AMZ1: variants seen among roughly 807,000 people sequenced by gnomAD.
AMZ1 encodes archaelysin family metallopeptidase 1.
AMZ1 carries 39 observed loss-of-function variants against 29.9 expected under a neutral mutation model. The observed-to-expected ratio is 1.30, with a 90% confidence interval of 1.01 to 1.70. The LOEUF is 1.70. AMZ1 is among the 40% of genes most tolerant of loss of function. The probability of loss-of-function intolerance (pLI) is 0.00; values close to 1 mark genes in which losing one functional copy is unlikely to be tolerated. For synonymous variants in AMZ1, 458 were observed against 304.0 expected, an observed-to-expected ratio of 1.51 and a Z score of -5.27; for missense variants, 1,041 against 680.6, an observed-to-expected ratio of 1.53 and a Z score of -5.89.
chr7:2,730,704 T>A (rs1789844806), intron 4 of AMZ1: 2 of 155,612 alleles, frequency 1.3e-5, no homozygotes, highest in Admixed American at 1.3e-4. Context: ...GTGCACTGGA[T>A]CTCTACAAGC....
intron 2 of AMZ1, among the ~76,000 whole-genome samples, chr7:2,701,460 A>G (rs1200810391): frequency 6.6e-6 from 1 of 152,090 alleles, no homozygotes; most frequent in Non-Finnish European, 1.5e-5. Context: ...GAGGGCCCAG[A>G]GTGGTCACTG....
At chr7:2,680,761 G>A (rs779731414) in intron 1 of AMZ1, among the ~76,000 whole-genome samples, 4 of 152,260 alleles carry the variant, frequency 2.6e-5, no homozygotes, top group African/African-American at 4.8e-5. Flanking sequence ...CCTGCCCAGC[G>A]CAGCCCATGC....
chr7:2,691,685 T>G (rs1787393902), intron 1 of AMZ1, among the ~76,000 whole-genome samples: 1 of 132,976 alleles, frequency 7.5e-6, no homozygotes, highest in African/African-American at 3.2e-5. Context: ...GAGCCGAGAT[T>G]GCGCCACTGC....
At chr7:2,694,267 C>T (rs972342866) in intron 1 of AMZ1, among the ~76,000 whole-genome samples, 4 of 152,292 alleles carry the variant, frequency 2.6e-5, no homozygotes, top group South Asian at 2.1e-4. Flanking sequence ...CCTGCCTCGC[C>T]GCTGGAGCTG....
intron 1 of AMZ1, among the ~76,000 whole-genome samples, chr7:2,691,945 C>G (rs1235635438): frequency 6.6e-6 from 1 of 152,060 alleles, no homozygotes; most frequent in Non-Finnish European, 1.5e-5. Flanking sequence ...GTGGACAGAA[C>G]AAATAATTCT....
chr7:2,708,606 TGAA>T lies in AMZ1; in HGVS notation c.495_497del (p.Lys165del), dbSNP rs768223493. The T allele has an allele frequency of 1.7e-4, 268 of 1,612,888 alleles. 4 individuals carry two copies. The South Asian group carries it at 2.6e-3, about 15-fold the overall frequency. On this transcript the variant is annotated inframe_deletion, in exon 4 of 7. Transcript: ENST00000683327. ...CCCGCAGACGGCATCCTGTCCTTCTTGAAGAACAACAAGCCAGGGGACGCGCTG... is the reference window on the plus strand; with the variant it reads ...CCCGCAGACGGCATCCTGTCCTTCTTGAACAACAAGCCAGGGGACGCGCTG...
At chr7:2,694,873 A>G (rs1787613071) in intron 1 of AMZ1, among the ~76,000 whole-genome samples, 1 of 152,000 alleles carries the variant, frequency 6.6e-6, no homozygotes, top group Non-Finnish European at 1.5e-5. Context: ...GGGTTTCACC[A>G]TGTTGGCCAG....
intron 4 of AMZ1, among the ~76,000 whole-genome samples, chr7:2,757,129 CTTTT>C (rs71026549): frequency 1.1e-3 from 102 of 93,960 alleles, no homozygotes; most frequent in Middle Eastern, 7.6e-3. Context: ...TCAGGTGGGC[CTTTT>C]TTTTTTTTTT....
At chr7:2,739,086 G>A (rs757519472) in intron 4 of AMZ1, among the ~76,000 whole-genome samples, 3 of 152,192 alleles carry the variant, frequency 2.0e-5, no homozygotes, top group Non-Finnish European at 2.9e-5. Flanking sequence ...TCCTCGGCGT[G>A]TGCAGGGTTG....
At chr7:2,761,147 G>A (rs549202875), upstream of AMZ1, among the ~76,000 whole-genome samples, 77 of 152,280 alleles carry the variant, frequency 5.1e-4, no homozygotes, top group African/African-American at 1.8e-3. Flanking sequence ...ATGCGGATGG[G>A]AGACAACCAC....
Position 2,702,728 on chromosome 7 carries a change from G to T in AMZ1, c.311G>T (p.Ser104Ile). The T allele has an allele frequency of 2.6e-6, 4 of 1,534,242 alleles. No individual in the cohort carries two copies. Among genetic ancestry groups the T allele is most frequent in the Non-Finnish European group, 3.5e-6 (4 of 1,142,768 alleles). ...GGTGCTGCTCTCCCACCAGACCTGA[G>T]CGAGGAGCCGGTGGGAAGCTCCCTG... ...KHIYLQPIDLSEEPVGSSLLH... is the reference protein window; with the variant it reads ...KHIYLQPIDLIEEPVGSSLLH... The change falls in exon 3 of 7, where the codon AGC becomes ATC. Residue 104 changes from serine to isoleucine, a missense_variant. Physicochemically the swap from Ser to Ile is moderately radical, Grantham distance 142 (BLOSUM62 -2). Coordinates refer to ENST00000683327, the MANE Select transcript of AMZ1 (RefSeq NM_001384743.1).
At chr7:2,735,973 G>A (rs11764225) in intron 4 of AMZ1, among the ~76,000 whole-genome samples, 17,511 of 152,190 alleles carry the variant, frequency 0.12, 1,103 homozygotes, top group Middle Eastern at 0.18. Context: ...CTGTCCCTGA[G>A]GTTTGGTGCA....
intron 4 of AMZ1, among the ~76,000 whole-genome samples, chr7:2,749,599 C>A (rs888980918): frequency 7.9e-5 from 12 of 151,840 alleles, no homozygotes; most frequent in Non-Finnish European, 1.2e-4. Flanking sequence ...CAACATGGCA[C>A]ATGTATACAT....
chr7:2,732,221 C>T (rs1789932817), intron 4 of AMZ1, among the ~76,000 whole-genome samples: 1 of 152,166 alleles, frequency 6.6e-6, no homozygotes, highest in Non-Finnish European at 1.5e-5. Flanking sequence ...GACACACAGG[C>T]AAGCATACTC....
At chr7:2,689,801 T>TG (rs1329272939) in intron 1 of AMZ1, among the ~76,000 whole-genome samples, 1 of 152,202 alleles carries the variant, frequency 6.6e-6, no homozygotes. Flanking sequence ...AACCTCCATC[T>TG]GGGGGTCTCC....
intron 1 of AMZ1, among the ~76,000 whole-genome samples, chr7:2,694,365 A>G (rs1306310607): frequency 6.6e-6 from 1 of 152,168 alleles, no homozygotes; most frequent in Non-Finnish European, 1.5e-5. Flanking sequence ...CTGAGTTTGA[A>G]TCACGCCTTG....
chr7:2,738,001 C>A (rs1406064023), intron 4 of AMZ1, among the ~76,000 whole-genome samples: 2 of 152,172 alleles, frequency 1.3e-5, no homozygotes, highest in South Asian at 2.1e-4. Flanking sequence ...TTAAATGATA[C>A]CACAGCTGTG....
At position 2,745,933 on chromosome 7, in the gene AMZ1, A is replaced by G. The variant is rs1290967321; in HGVS notation, n.551-18779A>G. On this transcript the variant is annotated intron_variant and non_coding_transcript_variant, in intron 4 of 4. Coordinates refer to the AMZ1 transcript ENST00000489665. ...CAAAAGAGACAAAGAAGGCCATTAC[A>G]TAATGGTAAAGCGATCAATTCAACA... 2.6e-5 allele frequency among the ~76,000 whole-genome samples: 4 copies of G among 152,212 alleles called. No individual in the cohort carries two copies. The South Asian group carries it at 8.3e-4, about 31-fold the overall frequency.
chr7:2,702,824 C>T lies in AMZ1; in HGVS notation c.407C>T (p.Ala136Val). Reference protein sequence around the residue: ...GLRVKCLPSVAAASIRCSSRP... With the variant: ...GLRVKCLPSVVAASIRCSSRP... ...CGCGTCAAGTGCCTGCCGTCGGTGG[C>T]AGCCGCGTCCATCCGCTGCTCCTCG... The change falls in exon 3 of 7, where the codon GCA becomes GTA. Residue 136 changes from alanine to valine, a missense_variant. Coordinates refer to ENST00000683327, the MANE Select transcript of AMZ1 (RefSeq NM_001384743.1). 1.3e-6 allele frequency: 2 copies of T among 1,563,130 alleles called. No homozygotes were observed. The highest frequency in any genetic ancestry group is 2.4e-5 in the East Asian group (1 of 42,076).
Sources: gnomAD v4.1 joint callset for allele counts (sites outside exome capture counted in the v4.1 genomes callset) on GRCh38, gnomAD v4.1.1 for gene constraint, MANE v1.5 for transcripts, NCBI Gene and HGNC (gene_info 2026-07-23, HGNC 2026-07-21) for gene names.